Variants in KCNN2 observed in about 807,000 individuals in gnomAD.
KCNN2 encodes potassium calcium-activated channel subfamily N member 2, also known as small conductance calcium-activated potassium channel protein 2.
KCNN2 carries 24 observed loss-of-function variants against 55.5 expected under a neutral mutation model. The ratio of observed to expected loss-of-function variants is 0.43; its 90% confidence interval spans 0.31 to 0.61. The LOEUF (loss-of-function observed/expected upper bound fraction) is 0.61. KCNN2 is among the 20% of genes least tolerant of loss of function. The probability of loss-of-function intolerance (pLI) is 0.08; values close to 1 mark genes in which losing one functional copy is unlikely to be tolerated. For missense variants in KCNN2, 754 were observed against 853.6 expected (o/e 0.88, Z 1.45); for synonymous variants, 431 against 336.1 (o/e 1.28, Z -3.09).
At chr5:114,281,693 G>A (rs1442961450) in intron 2 of KCNN2, among the ~76,000 whole-genome samples, 1 of 142,852 alleles carries the variant, frequency 7.0e-6, no homozygotes, top group African/African-American at 2.5e-5. Flanking sequence ...AGATTTTGCA[G>A]CAAAGGTACT....
At chr5:114,212,116 A>C (rs1257224883) in intron 1 of KCNN2, among the ~76,000 whole-genome samples, 1 of 152,018 alleles carries the variant, frequency 6.6e-6, no homozygotes, top group Non-Finnish European at 1.5e-5. Flanking sequence ...CATTTGGTGA[A>C]ACCACTTAAA....
At chr5:114,451,668 G>A (rs535582390) in intron 3 of KCNN2, among the ~76,000 whole-genome samples, 3 of 152,160 alleles carry the variant, frequency 2.0e-5, no homozygotes, top group East Asian at 3.9e-4. Context: ...AGGCCAAGGC[G>A]GGCGGATTAT....
intron 1 of KCNN2, among the ~76,000 whole-genome samples, chr5:114,090,704 T>C (rs1751125428): frequency 6.6e-6 from 1 of 152,280 alleles, no homozygotes; most frequent in Admixed American, 6.5e-5. Flanking sequence ...AATGTATTTT[T>C]CACTTTATTA....
chr5:114,201,430 A>G (rs758953989), intron 1 of KCNN2, among the ~76,000 whole-genome samples: 68 of 152,216 alleles, frequency 4.5e-4, no homozygotes, highest in Non-Finnish European at 8.4e-4. Context: ...TGTAATCAGA[A>G]TGGGTGAGGC....
chr5:114,363,089 G>C lies in KCNN2; in HGVS notation c.950G>C (p.Ser317Thr). The stretch of plus-strand genomic sequence containing the variant: ...GGCGGGAGCGGGCACGGCAGCAGCA[G>C]TGGCACCAAGTCCAGCAAAAAGAAA... ...GGGGSGHGSS[S>T]GTKSSKKKNQ... The change falls in exon 1 of 8, where the codon AGT (serine) becomes ACT (threonine). Residue 317 changes from serine to threonine, a missense_variant. Ser to Thr is a moderately conservative substitution (Grantham distance 58). Coordinates refer to ENST00000673685, the MANE Select transcript of KCNN2 (RefSeq NM_021614.4). 2 of 1,612,074 alleles carry C rather than the reference G, an allele frequency of 1.2e-6. No individual in the cohort carries two copies. Among genetic ancestry groups the C allele is most frequent in the Non-Finnish European group, 8.5e-7 (1 of 1,179,854 alleles).
chr5:114,091,229 C>A (rs750719), intron 1 of KCNN2, among the ~76,000 whole-genome samples: 5,017 of 152,152 alleles, frequency 0.033, 281 homozygotes, highest in African/African-American at 0.11. Context: ...AAATTAACCA[C>A]CCTCCCCTTC....
At chr5:114,434,913 C>T (rs1187256317) in intron 3 of KCNN2, among the ~76,000 whole-genome samples, 1 of 152,146 alleles carries the variant, frequency 6.6e-6, no homozygotes, top group Non-Finnish European at 1.5e-5. Context: ...AAGGTGGTTA[C>T]AGTCTGGTAA....
intron 1 of KCNN2, among the ~76,000 whole-genome samples, chr5:114,077,328 C>T (rs1379102375): frequency 6.6e-6 from 1 of 152,230 alleles, no homozygotes; most frequent in Admixed American, 6.5e-5. Context: ...AACCCCAAAA[C>T]CACTCCAGCG....
intron 2 of KCNN2, among the ~76,000 whole-genome samples, chr5:114,329,096 TA>T (rs1366310244): frequency 6.6e-6 from 1 of 152,208 alleles, no homozygotes; most frequent in Non-Finnish European, 1.5e-5. Flanking sequence ...GTTCTTTCTA[TA>T]GCCTGAATTT....
At chr5:114,175,434 G>A (rs772849006) in intron 1 of KCNN2, among the ~76,000 whole-genome samples, 11 of 152,078 alleles carry the variant, frequency 7.2e-5, no homozygotes, top group Non-Finnish European at 1.3e-4. Context: ...TGTGCATCAG[G>A]TGTACATGTC....
intron 3 of KCNN2, among the ~76,000 whole-genome samples, chr5:114,413,096 T>C (rs1157730551): frequency 6.6e-6 from 1 of 152,192 alleles, no homozygotes; most frequent in Non-Finnish European, 1.5e-5. Flanking sequence ...TTTCAAGTTA[T>C]AAAAGTCGGC....
rs184888846 is a variant in KCNN2 at position 114,247,836 on chromosome 5, T to G, written c.-185+26271T>G. ...GTAGTTTTTTTTTTCAGAGGAAGGA[T>G]TATGTCTTAGGTGGGTTTCTGGATT... is the stretch of plus-strand genomic sequence containing the variant. On this transcript the variant is annotated intron_variant, in intron 2 of 10. Transcript: ENST00000512097. 3.1e-3 allele frequency among the ~76,000 whole-genome samples: 473 copies of G among 152,270 alleles called. 4 individuals carry two copies. Among genetic ancestry groups the G allele is most frequent in the African/African-American group, 0.011 (453 of 41,544 alleles).
intron 1 of KCNN2, among the ~76,000 whole-genome samples, chr5:114,149,813 C>T (rs1287530619): frequency 9.2e-5 from 14 of 152,116 alleles, no homozygotes; most frequent in Admixed American, 6.6e-4. Context: ...AGAAACAGGA[C>T]GTGAAGCTAG....
chr5:114,166,306 G>GAACA (rs1343020997), intron 1 of KCNN2, among the ~76,000 whole-genome samples: 2 of 152,106 alleles, frequency 1.3e-5, no homozygotes, highest in African/African-American at 4.8e-5. Flanking sequence ...TAACAACCAA[G>GAACA]AACAGCTGGA....
chr5:114,174,158 C>G (rs1753093880), intron 1 of KCNN2, among the ~76,000 whole-genome samples: 1 of 151,980 alleles, frequency 6.6e-6, no homozygotes, highest in Non-Finnish European at 1.5e-5. Flanking sequence ...GTAAAACGAT[C>G]AAAAACAAAA....
At chr5:114,156,045 C>T (rs1175442261) in intron 1 of KCNN2, among the ~76,000 whole-genome samples, 2 of 151,974 alleles carry the variant, frequency 1.3e-5, no homozygotes, top group African/African-American at 4.8e-5. Context: ...TCTATCTTGA[C>T]TTAATTTTTG....
chr5:114,333,577 T>C (rs1448097910), intron 2 of KCNN2, among the ~76,000 whole-genome samples: 3 of 152,032 alleles, frequency 2.0e-5, no homozygotes, highest in African/African-American at 2.4e-5. Flanking sequence ...TCTACATTTC[T>C]GTAGATGGCA....
In KCNN2 at chr5:114,445,121, A is replaced by G. The variant is rs146824352; in HGVS notation, c.1638-17928A>G. Among the ~76,000 whole-genome samples, 163 of 152,308 alleles carry G rather than the reference A, an allele frequency of 1.1e-3. 1 individual carries two copies. The highest frequency in any genetic ancestry group is 3.8e-3 in the African/African-American group (158 of 41,564). On this transcript the variant is annotated intron_variant, in intron 3 of 7. Transcript: ENST00000673685. ...CTTTACATGTATATGTATACATGCA[A>G]TGTGGGGTGCAAAGAGAAAAAGTAT... is the stretch of plus-strand genomic sequence containing the variant.
At chr5:114,226,402 T>C (rs1754238104) in intron 2 of KCNN2, among the ~76,000 whole-genome samples, 1 of 152,210 alleles carries the variant, frequency 6.6e-6, no homozygotes, top group Admixed American at 6.5e-5. Context: ...TTTCCTCAAT[T>C]CTATCATATT....
Sources: allele counts gnomAD v4.1 joint callset (sites outside exome capture counted in the v4.1 genomes callset), GRCh38; gene constraint gnomAD v4.1.1; transcripts MANE v1.5; gene names NCBI Gene and HGNC (gene_info 2026-07-23, HGNC 2026-07-21).